Variants in VPS26A observed in about 807,000 individuals in gnomAD.
The protein encoded by VPS26A is VPS26 retromer complex component A, also known as vacuolar protein sorting-associated protein 26A.
A neutral mutation model predicts 42.4 loss-of-function variants in VPS26A; 22 were observed. The observed-to-expected ratio is 0.52, with a 90% CI of 0.37 to 0.74. The LOEUF (loss-of-function observed/expected upper bound fraction) is 0.74. VPS26A is among the 30% of genes least tolerant of loss of function. The probability of loss-of-function intolerance (pLI) is 0.00; values close to 1 mark genes in which losing one functional copy is unlikely to be tolerated. For synonymous variants in VPS26A, 110 were observed against 123.5 expected, an observed-to-expected ratio of 0.89 and a Z score of 0.73; for missense variants, 276 against 379.2, an observed-to-expected ratio of 0.73 and a Z score of 2.26.
rs997343099 is a variant in VPS26A at position 69,173,843 on chromosome 10, A to G, written c.*2574A>G. The stretch of plus-strand genomic sequence containing the variant: ...TGGAGAAACTCCATCTCTACCAAAA[A>G]TGCATTAGTCGGGCGTGGTGGCACA... On this transcript the variant is annotated 3_prime_UTR_variant, in exon 9 of 9. Transcript: ENST00000263559. Among the ~76,000 whole-genome samples, 2 of 152,156 alleles carry G rather than the reference A, an allele frequency of 1.3e-5. No homozygotes were observed. Among genetic ancestry groups the G allele is most frequent in the East Asian group, 1.9e-4 (1 of 5,180 alleles).
chr10:69,152,843 G>A (rs12765734), intron 2 of VPS26A, among the ~76,000 whole-genome samples: 26,835 of 151,530 alleles, frequency 0.18, 2,755 homozygotes, highest in Non-Finnish European at 0.23. Flanking sequence ...GGTGGCGGGC[G>A]CCTGTAGTCC....
At chr10:69,132,222 A>G (rs1589344573) in intron 1 of VPS26A, among the ~76,000 whole-genome samples, 1 of 152,122 alleles carries the variant, frequency 6.6e-6, no homozygotes, top group African/African-American at 2.4e-5. Flanking sequence ...AATAAAGGTA[A>G]TTTTTCAAGC....
chr10:69,156,990 C>T lies in VPS26A; in HGVS notation c.230-17C>T. On this transcript the variant is annotated splice_polypyrimidine_tract_variant and intron_variant, in intron 3 of 8. Transcript: ENST00000263559. ...GCTATTAAATAATTGGTCTTTTTGC[C>T]TTTTAAAATTTCTCAGAACTTTTCA... 6.4e-7 allele frequency: 1 copy of T among 1,564,648 alleles called. No homozygotes were observed. Among genetic ancestry groups the T allele is most frequent in the Non-Finnish European group, 8.6e-7 (1 of 1,156,072 alleles).
rs1252244188 is a variant in VPS26A at position 69,133,672 on chromosome 10, G to C, written c.153+625G>C. 9 of 1,176,190 alleles carry C rather than the reference G, an allele frequency of 7.7e-6. No homozygotes were observed. In the Admixed American group the frequency reaches 2.0e-4, roughly 26 times the overall value. 72.9% of individuals were successfully genotyped at this position (1,176,190 alleles called of 1,614,324 possible). ...ACGGTTTTTTGTTTTGGGTTTTTTG[G>C]GTTTTTTGTTTTGTTTTGTTTCGTT... On this transcript the variant is annotated intron_variant, in intron 2 of 8. Transcript: ENST00000263559.
chr10:69,169,206 C>A (rs1456178347), intron 8 of VPS26A, among the ~76,000 whole-genome samples: 1 of 149,750 alleles, frequency 6.7e-6, no homozygotes, highest in Non-Finnish European at 1.5e-5. Flanking sequence ...CATTTTTACT[C>A]AGTAGTGTCT....
At chr10:69,162,717 A>G (rs1228411236) in intron 6 of VPS26A, among the ~76,000 whole-genome samples, 2 of 152,158 alleles carry the variant, frequency 1.3e-5, no homozygotes, top group African/African-American at 4.8e-5. Flanking sequence ...TAATTTTTGA[A>G]TAGGTAATAA....
chr10:69,153,591 C>T (rs1386522015), intron 2 of VPS26A, among the ~76,000 whole-genome samples: 1 of 150,684 alleles, frequency 6.6e-6, no homozygotes, highest in Non-Finnish European at 1.5e-5. Flanking sequence ...CTTAATTAAG[C>T]AGCCTTCCTG....
At chr10:69,129,075 T>A (rs1029483501) in intron 1 of VPS26A, among the ~76,000 whole-genome samples, 4 of 151,786 alleles carry the variant, frequency 2.6e-5, no homozygotes, top group African/African-American at 9.7e-5. Context: ...GTTATAAATG[T>A]GGATGTCATA....
At chr10:69,132,431 G>GTTTT (rs3086557) in intron 1 of VPS26A, among the ~76,000 whole-genome samples, 7 of 141,278 alleles carry the variant, frequency 5.0e-5, no homozygotes, top group Non-Finnish European at 9.1e-5. Context: ...TTTTGATGTA[G>GTTTT]TTTTTTTTTT....
chr10:69,154,890 C>T (rs980294126), intron 2 of VPS26A, among the ~76,000 whole-genome samples: 12 of 150,930 alleles, frequency 8.0e-5, no homozygotes, highest in Admixed American at 2.0e-4. Context: ...TGTGCGCGCA[C>T]GCGCACGTGC....
chr10:69,160,461 T>A (rs1245545484), intron 5 of VPS26A, among the ~76,000 whole-genome samples: 1 of 136,068 alleles, frequency 7.3e-6, no homozygotes. Flanking sequence ...CCCAACATAT[T>A]TTTTTTTTTT....
chr10:69,169,509 C>T (rs956092791), intron 8 of VPS26A, among the ~76,000 whole-genome samples: 2 of 151,976 alleles, frequency 1.3e-5, no homozygotes, highest in South Asian at 4.1e-4. Context: ...GTTGGCCAGG[C>T]TGGTTTCAAA....
intron 2 of VPS26A, among the ~76,000 whole-genome samples, chr10:69,148,752 G>T (rs1488672906): frequency 7.0e-6 from 1 of 143,100 alleles, no homozygotes; most frequent in African/African-American, 2.6e-5. Flanking sequence ...GGAGCAGAGA[G>T]TATTTTTTTT....
At chr10:69,168,398 A>G in intron 7 of VPS26A, 91 bp from the exon 8 acceptor site, 3 of 1,345,620 alleles carry the variant, frequency 2.2e-6, no homozygotes, top group Non-Finnish European at 3.1e-6. Context: ...GATGTGAAGC[A>G]TTAGTGTCAA....
chr10:69,125,105 G>A (rs4284308), intron 1 of VPS26A, among the ~76,000 whole-genome samples: 114,789 of 152,128 alleles, frequency 0.75, 45,345 homozygotes, highest in Non-Finnish European at 0.89. Context: ...GTAGTCGTCA[G>A]TTCTCTTCAT....
At chr10:69,170,610 C>T (rs2132244465) in intron 8 of VPS26A, among the ~76,000 whole-genome samples, 1 of 152,022 alleles carries the variant, frequency 6.6e-6, no homozygotes, top group East Asian at 1.9e-4. Context: ...CTCCATTTGG[C>T]CGATGGGGGA....
chr10:69,151,274 A>AAC lies in VPS26A; in HGVS notation c.154-4537_154-4536insCA, dbSNP rs1235416679. Among the ~76,000 whole-genome samples the AAC allele has an allele frequency of 1.7e-4, 15 of 90,218 alleles. 2 individuals carry two copies. The highest frequency in any genetic ancestry group is 4.1e-4 in the African/African-American group (13 of 31,678). 59.2% of individuals were successfully genotyped at this position (90,218 alleles called of 152,430 possible). A position where few individuals can be genotyped will look rare whatever the true frequency, so the allele number is the denominator to read the frequency against. On this transcript the variant is annotated intron_variant, in intron 2 of 8. Transcript: ENST00000263559. ...AGTGAGACTCCATGTCAAAAAAAAA[A>AAC]AAAAAAAAACACACACACACACACA...
chr10:69,127,335 C>T (rs1318139876), intron 1 of VPS26A, among the ~76,000 whole-genome samples: 4 of 150,914 alleles, frequency 2.7e-5, no homozygotes, highest in African/African-American at 7.3e-5. Context: ...GGGCGGATCA[C>T]GAGGTCAGGA....
At chr10:69,134,258 A>G (rs1295781550) in intron 2 of VPS26A, among the ~76,000 whole-genome samples, 1 of 152,190 alleles carries the variant, frequency 6.6e-6, no homozygotes, top group African/African-American at 2.4e-5. Flanking sequence ...ATATTTATGT[A>G]TATGTAATAT....
Sources: allele counts gnomAD v4.1 joint callset (sites outside exome capture counted in the v4.1 genomes callset), GRCh38; gene constraint gnomAD v4.1.1; transcripts MANE v1.5; gene names NCBI Gene and HGNC (gene_info 2026-07-23, HGNC 2026-07-21).